SPAG16: variants seen among roughly 807,000 people sequenced by gnomAD.
SPAG16 encodes sperm associated antigen 16, also known as sperm-associated antigen 16 protein.
Under a neutral mutation model 80.4 loss-of-function variants are expected in SPAG16, and 86 were observed. That is an observed-to-expected ratio of 1.07 (90% confidence interval 0.90 to 1.28). The LOEUF is 1.28. SPAG16 is among the 50% of genes most tolerant of loss of function. The pLI, the probability that SPAG16 is intolerant of heterozygous loss-of-function variation, is 0.00. For missense variants in SPAG16, 870 were observed against 765.3 expected (o/e 1.14, Z -1.61); for synonymous variants, 294 against 265.9 (o/e 1.11, Z -1.03).
At chr2:214,043,950 T>C (rs1191188968) in intron 13 of SPAG16, among the ~76,000 whole-genome samples, 1 of 152,146 alleles carries the variant, frequency 6.6e-6, no homozygotes, top group East Asian at 1.9e-4. Context: ...AAATCAAAGT[T>C]CTATATCTAT....
chr2:213,557,444 T>C (rs1002431747), intron 10 of SPAG16, among the ~76,000 whole-genome samples: 2 of 152,016 alleles, frequency 1.3e-5, no homozygotes, highest in Admixed American at 6.6e-5. Context: ...TAATTATAAT[T>C]ATATGTGTAT....
At chr2:213,490,116 A>G in intron 10 of SPAG16, 26 bp downstream of exon 10, 2 of 1,543,290 alleles carry the variant, frequency 1.3e-6, no homozygotes, top group East Asian at 2.3e-5. Context: ...TTTTATTAAT[A>G]CTTTTGAGAT....
intron 10 of SPAG16, among the ~76,000 whole-genome samples, chr2:213,708,668 G>A (rs1421760864): frequency 1.3e-5 from 2 of 152,056 alleles, no homozygotes; most frequent in Non-Finnish European, 2.9e-5. Flanking sequence ...AAAAAAATTA[G>A]GCAGGTGTTA....
intron 15 of SPAG16, among the ~76,000 whole-genome samples, chr2:214,164,703 A>G (rs1463140217): frequency 6.6e-6 from 1 of 152,146 alleles, no homozygotes; most frequent in Non-Finnish European, 1.5e-5. Flanking sequence ...AACACATGCA[A>G]CTTAAAAGAG....
chr2:213,680,501 T>A (rs2064326807), intron 10 of SPAG16, among the ~76,000 whole-genome samples: 1 of 152,062 alleles, frequency 6.6e-6, no homozygotes, highest in Admixed American at 6.6e-5. Context: ...TCCAAGGCCC[T>A]GCACTATGGG....
intron 3 of SPAG16, among the ~76,000 whole-genome samples, chr2:213,306,489 A>G (rs561804581): frequency 8.3e-4 from 101 of 122,198 alleles, no homozygotes; most frequent in African/African-American, 2.9e-3. Context: ...CCTAATGTCC[A>G]CTGGCTCTGA....
chr2:214,026,223 C>CAT (rs1426258287), intron 13 of SPAG16, among the ~76,000 whole-genome samples: 8 of 151,206 alleles, frequency 5.3e-5, no homozygotes, highest in Admixed American at 2.0e-4. Context: ...TACATACATG[C>CAT]ATATATATAC....
chr2:214,047,566 T>A (rs1559732406), intron 13 of SPAG16, among the ~76,000 whole-genome samples: 2 of 152,144 alleles, frequency 1.3e-5, no homozygotes, highest in African/African-American at 2.4e-5. Context: ...GACTTAAATA[T>A]AAGACTTCGA....
intron 15 of SPAG16, among the ~76,000 whole-genome samples, chr2:214,367,281 G>A (rs1480178898): frequency 6.6e-6 from 1 of 152,170 alleles, no homozygotes; most frequent in Non-Finnish European, 1.5e-5. Flanking sequence ...CAATTCATGT[G>A]ATCAATAAAC....
At chr2:213,300,070 C>T (rs1010379949) in intron 3 of SPAG16, among the ~76,000 whole-genome samples, 2 of 152,052 alleles carry the variant, frequency 1.3e-5, no homozygotes, top group African/African-American at 4.8e-5. Context: ...ATAGTTTATT[C>T]TGTTAATTTT....
chr2:213,581,090 G>T lies in SPAG16; in HGVS notation c.1070+91000G>T, dbSNP rs185859119. ...AAGTTAAAACCCAGAGACACAGAGAGTTTAATAATTTGTTGGGTAACTCTA... is the reference window on the plus strand; with the variant it reads ...AAGTTAAAACCCAGAGACACAGAGATTTTAATAATTTGTTGGGTAACTCTA... On this transcript the variant is annotated intron_variant, in intron 10 of 15. Coordinates refer to ENST00000331683, the MANE Select transcript of SPAG16 (RefSeq NM_024532.5). 6.8e-4 allele frequency among the ~76,000 whole-genome samples: 104 copies of T among 152,196 alleles called. No individual in the cohort carries two copies. In the East Asian group the frequency reaches 0.019, roughly 28 times the overall value.
chr2:213,445,274 C>G (rs1455888682), intron 9 of SPAG16, among the ~76,000 whole-genome samples: 1 of 152,080 alleles, frequency 6.6e-6, no homozygotes, highest in Admixed American at 6.5e-5. Context: ...AGATTAATAA[C>G]CAGAGTATAT....
chr2:213,339,206 G>T (rs1265918860), intron 5 of SPAG16, among the ~76,000 whole-genome samples: 1 of 152,104 alleles, frequency 6.6e-6, no homozygotes, highest in Admixed American at 6.6e-5. Context: ...CTCAGTGATT[G>T]ACTTCTGACA....
At chr2:214,348,834 G>A (rs1698221985) in intron 15 of SPAG16, among the ~76,000 whole-genome samples, 1 of 152,206 alleles carries the variant, frequency 6.6e-6, no homozygotes, top group South Asian at 2.1e-4. Context: ...GAATATGGTA[G>A]TGGGTATAAG....
intron 15 of SPAG16, among the ~76,000 whole-genome samples, chr2:214,265,669 T>C (rs560408645): frequency 6.6e-6 from 1 of 152,026 alleles, no homozygotes; most frequent in Non-Finnish European, 1.5e-5. Flanking sequence ...TAAAAAGTCG[T>C]CACCAAACCA....
chr2:214,068,756 T>G (rs1046354782), intron 13 of SPAG16, among the ~76,000 whole-genome samples: 4 of 151,996 alleles, frequency 2.6e-5, no homozygotes, highest in African/African-American at 9.7e-5. Flanking sequence ...AAAAATTAGC[T>G]CCCAGACTAA....
chr2:214,359,390 G>A (rs1249195591), intron 15 of SPAG16, among the ~76,000 whole-genome samples: 1 of 151,754 alleles, frequency 6.6e-6, no homozygotes, highest in African/African-American at 2.4e-5. Context: ...TGGGCATTTG[G>A]GAAGGCAGTA....
chr2:213,708,418 G>C (rs1479404592), intron 10 of SPAG16, among the ~76,000 whole-genome samples: 2 of 152,152 alleles, frequency 1.3e-5, no homozygotes, highest in African/African-American at 4.8e-5. Context: ...AAGTATTGGG[G>C]TGGCCGGGCA....
At chr2:214,107,112 T>G (rs1408081874) in intron 13 of SPAG16, among the ~76,000 whole-genome samples, 1 of 152,112 alleles carries the variant, frequency 6.6e-6, no homozygotes, top group East Asian at 1.9e-4. Context: ...GATAATGTGA[T>G]TTCCCTTAGT....
Sources: gnomAD v4.1 joint callset for allele counts (sites outside exome capture counted in the v4.1 genomes callset) on GRCh38, gnomAD v4.1.1 for gene constraint, MANE v1.5 for transcripts, NCBI Gene and HGNC (gene_info 2026-07-23, HGNC 2026-07-21) for gene names.